The following HAAO variants were observed in gnomAD, a reference collection of about 807,000 sequenced individuals.
The protein encoded by HAAO is 3-hydroxyanthranilate oxygenase.
Under a neutral mutation model 46.2 loss-of-function variants are expected in HAAO, and 49 were observed. That is an observed-to-expected ratio of 1.06 (90% CI 0.84 to 1.34). The LOEUF (loss-of-function observed/expected upper bound fraction) is 1.34, where lower values mean the gene tolerates loss of function less well. Among genes scored for constraint, HAAO ranks in the 40% most tolerant of loss-of-function variants. The pLI is 0.00. For missense variants in HAAO, 408 were observed against 364.5 expected, an observed-to-expected ratio of 1.12 and a Z score of -0.97; for synonymous variants, 157 against 145.2, an observed-to-expected ratio of 1.08 and a Z score of -0.58.
intron 7 of HAAO, 107 bp downstream of exon 7, chr2:42,769,598 TGTGTGTGA>T (rs1248423678): frequency 1.9e-4 from 126 of 676,258 alleles, no homozygotes; most frequent in Admixed American, 1.3e-3. Flanking sequence ...TGTGTGTGTG[TGTGTGTGA>T]GTGTGTGTGT....
At chr2:42,784,546 G>GC (rs1255977186) in intron 2 of HAAO, among the ~76,000 whole-genome samples, 22 of 121,100 alleles carry the variant, frequency 1.8e-4, no homozygotes, top group Non-Finnish European at 3.5e-4. Flanking sequence ...GCGGGGGGGG[G>GC]GGTTCCTACT....
At chr2:42,777,074 G>A (rs1398428031) in intron 4 of HAAO, among the ~76,000 whole-genome samples, 2 of 151,864 alleles carry the variant, frequency 1.3e-5, no homozygotes, top group South Asian at 2.1e-4. Context: ...GGCCGAGGTG[G>A]GTTGATCACC....
intron 4 of HAAO, among the ~76,000 whole-genome samples, chr2:42,780,533 C>T (rs1193560601): frequency 6.6e-6 from 1 of 151,868 alleles, no homozygotes; most frequent in Non-Finnish European, 1.5e-5. Context: ...GTGCAGGTTT[C>T]TGATAACTTT....
chr2:42,772,847 G>A (rs919784267), intron 4 of HAAO, among the ~76,000 whole-genome samples: 1 of 144,618 alleles, frequency 6.9e-6, no homozygotes, highest in Non-Finnish European at 1.5e-5. Flanking sequence ...TGGGAAACTT[G>A]AATTTTTTTT....
In HAAO at chr2:42,769,779, G is replaced by A. The variant is rs201983191; in HGVS notation, c.564C>T (p.Asp188=). ...CTGCCTGCAGCTCCCTGTGGTGGCT[G>A]TCCAGCCAGGCATCCAGGGACATGG... ...MEPMSLDAWL[D]SHHRELQAGT... Residue 188 remains aspartate, a synonymous_variant, in exon 7 of 10, where the codon GAC becomes GAT. Transcript: ENST00000294973. 4 of 1,614,012 alleles carry A rather than the reference G, an allele frequency of 2.5e-6. No individual in the cohort carries two copies. Among genetic ancestry groups the A allele is most frequent in the Non-Finnish European group, 3.4e-6 (4 of 1,179,982 alleles).
In HAAO at chr2:42,790,231, C is replaced by T. The variant is rs376913677; in HGVS notation, c.81-1624G>A. Among the ~76,000 whole-genome samples, 30 of 152,214 alleles carry T rather than the reference C, an allele frequency of 2.0e-4. 1 individual carries two copies. In the East Asian group the frequency reaches 4.5e-3, roughly 23 times the overall value. On this transcript the variant is annotated intron_variant, in intron 1 of 9. Transcript: ENST00000294973. The stretch of plus-strand genomic sequence containing the variant: ...TTTTGGGAGGCTGGGCCCAATAAAC[C>T]GGAAACACACGTGTGGACCTGATGT...
chr2:42,773,255 G>A (rs1025332605), intron 4 of HAAO, among the ~76,000 whole-genome samples: 4 of 152,214 alleles, frequency 2.6e-5, no homozygotes, highest in African/African-American at 9.7e-5. Context: ...GGATCGCTGG[G>A]AAGATTCAAT....
chr2:42,786,820 G>C (rs531609588), intron 2 of HAAO, among the ~76,000 whole-genome samples: 1 of 152,202 alleles, frequency 6.6e-6, no homozygotes, highest in Admixed American at 6.5e-5. Flanking sequence ...AGCTCAGTGA[G>C]GAGGAAAGTG....
chr2:42,769,145 G>A (rs529374442), intron 7 of HAAO, among the ~76,000 whole-genome samples: 8 of 152,106 alleles, frequency 5.3e-5, no homozygotes, highest in African/African-American at 1.9e-4. Context: ...TCACATGATT[G>A]TGGCAATTGT....
intron 4 of HAAO, among the ~76,000 whole-genome samples, chr2:42,774,820 T>G (rs1307610786): frequency 1.3e-5 from 2 of 152,236 alleles, no homozygotes; most frequent in Non-Finnish European, 2.9e-5. Flanking sequence ...TTCTGTTTTG[T>G]TGTTGTTTCA....
At chr2:42,768,050 T>TC in intron 7 of HAAO, 122 bp from the exon 8 acceptor site, 1 of 803,096 alleles carries the variant, frequency 1.2e-6, no homozygotes, top group Non-Finnish European at 2.1e-6. Context: ...AACAGCCCCA[T>TC]CACCATGTGC....
intron 4 of HAAO, among the ~76,000 whole-genome samples, chr2:42,776,057 G>A (rs182073208): frequency 3.3e-5 from 5 of 151,872 alleles, no homozygotes; most frequent in East Asian, 3.9e-4. Flanking sequence ...AAAGCATCAC[G>A]TGGTCTAAGC....
rs377187782 is a variant in HAAO at position 42,767,705 on chromosome 2, T to G, written c.700-28A>C. 3 of 1,556,682 alleles carry G rather than the reference T, an allele frequency of 1.9e-6. No individual in the cohort carries two copies. The African/African-American group carries it at 4.1e-5, about 21-fold the overall frequency. On this transcript the variant is annotated intron_variant, in intron 8 of 9. Coordinates refer to ENST00000294973, the MANE Select transcript of HAAO (RefSeq NM_012205.3). Reference sequence around the variant, plus strand: ...GGAGAAGAGGAGCAGGAGAATCAAATGGAGACTGTTGGGCCTCATCACCTG... The same window carrying G: ...GGAGAAGAGGAGCAGGAGAATCAAAGGGAGACTGTTGGGCCTCATCACCTG...
intron 1 of HAAO, among the ~76,000 whole-genome samples, chr2:42,792,207 G>C (rs920391): frequency 0.8 from 121,188 of 152,136 alleles, 48,611 homozygotes; most frequent in Middle Eastern, 0.93. Context: ...ACCCTGTCAT[G>C]TCATCTCCTA....
chr2:42,784,846 T>A (rs1371714341), intron 2 of HAAO, among the ~76,000 whole-genome samples: 1 of 152,186 alleles, frequency 6.6e-6, no homozygotes, highest in Non-Finnish European at 1.5e-5. Context: ...CCTTGGCAGT[T>A]CACACCCCTG....
rs1364005572 is a variant in HAAO, at chr2:42,770,429, G to C, written c.440+64C>G. ...CCCTGGGAGGGGAGACTTTCTCCCAGGGCATCAGGTGCTGATGCAGAGCCC... is the reference window on the plus strand; with the variant it reads ...CCCTGGGAGGGGAGACTTTCTCCCACGGCATCAGGTGCTGATGCAGAGCCC... On this transcript the variant is annotated intron_variant, in intron 5 of 9. Transcript: ENST00000294973. The C allele has an allele frequency of 1.7e-5, 20 of 1,188,104 alleles. No homozygotes were observed. The East Asian group carries it at 4.8e-4, about 29-fold the overall frequency. 73.6% of individuals were successfully genotyped at this position (1,188,104 alleles called of 1,614,324 possible).
intron 2 of HAAO, among the ~76,000 whole-genome samples, chr2:42,784,100 G>C (rs2104664241): frequency 6.6e-6 from 1 of 152,304 alleles, no homozygotes; most frequent in South Asian, 2.1e-4. Context: ...AGAGTACCCA[G>C]GATGCAACAG....
chr2:42,781,894 T>G (rs1482251294), intron 4 of HAAO, among the ~76,000 whole-genome samples: 1 of 151,964 alleles, frequency 6.6e-6, no homozygotes, highest in Non-Finnish European at 1.5e-5. Flanking sequence ...AAAATTATTC[T>G]TGCTGCACTG....
At chr2:42,791,613 C>T (rs1672806726) in intron 1 of HAAO, among the ~76,000 whole-genome samples, 1 of 152,192 alleles carries the variant, frequency 6.6e-6, no homozygotes, top group Non-Finnish European at 1.5e-5. Context: ...AAAATCCCCC[C>T]TCACGGTGCT....
Sources: allele counts gnomAD v4.1 joint callset (sites outside exome capture counted in the v4.1 genomes callset), GRCh38; gene constraint gnomAD v4.1.1; transcripts MANE v1.5; gene names NCBI Gene and HGNC (gene_info 2026-07-23, HGNC 2026-07-21).